The following FOCAD variants were observed in gnomAD, a reference collection of about 807,000 sequenced individuals.
FOCAD encodes KIAA1797.
A neutral mutation model predicts 225.6 loss-of-function variants in FOCAD; 198 were observed. The ratio of observed to expected loss-of-function variants is 0.88; its 90% confidence interval spans 0.78 to 0.99. The LOEUF (loss-of-function observed/expected upper bound fraction) is 0.99. Ranked by LOEUF, FOCAD falls within the 50% of genes least tolerant of loss-of-function variation. FOCAD has a pLI of 0.00. For synonymous variants in FOCAD, 897 were observed against 755.0 expected (o/e 1.19, Z -3.08); for missense variants, 2,713 against 2,123.6 (o/e 1.28, Z -5.46).
intron 2 of FOCAD, among the ~76,000 whole-genome samples, chr9:20,660,635 A>G (rs1563861162): frequency 6.6e-6 from 1 of 152,210 alleles, no homozygotes. Context: ...GAATGATGGA[A>G]GGAAGACCAA....
At position 20,757,079 on chromosome 9, in the gene FOCAD, G is replaced by A. The variant is rs368074123; in HGVS notation, c.393-1011G>A. On this transcript the variant is annotated intron_variant, in intron 5 of 43. Coordinates refer to ENST00000338382, the MANE Select transcript of FOCAD (RefSeq NM_001375567.1). Reference sequence around the variant, plus strand: ...TGAGTAGCTGGGATTACAGGCATGCGCCACCATTCCCGGCTAATTTTGTAT... The same window carrying A: ...TGAGTAGCTGGGATTACAGGCATGCACCACCATTCCCGGCTAATTTTGTAT... 6.6e-5 allele frequency among the ~76,000 whole-genome samples: 10 copies of A among 152,192 alleles called. No homozygotes were observed. In the East Asian group the frequency reaches 1.2e-3, roughly 18 times the overall value.
In FOCAD at chr9:20,882,061, G is replaced by T. The variant is rs1382088642; in HGVS notation, c.2503+5G>T. 1 of 1,608,054 alleles carries T rather than the reference G, an allele frequency of 6.2e-7. No homozygotes were observed. The highest frequency in any genetic ancestry group is 8.5e-7 in the Non-Finnish European group (1 of 1,178,006). On this transcript the variant is annotated splice_donor_5th_base_variant and intron_variant, in intron 20 of 43. Coordinates refer to ENST00000338382, the MANE Select transcript of FOCAD (RefSeq NM_001375567.1). ...GACTGAAACCTGGCCTTGCAGGTAA[G>T]GGTAGTACATAGTATCAAAAATACA... is the stretch of plus-strand genomic sequence containing the variant.
chr9:20,986,283 T>TTTTTTTTTTTTTG lies in FOCAD; in HGVS notation c.4729-5_4729-4insTTTTTTTTTTTTG. 1 of 1,476,884 alleles carries TTTTTTTTTTTTTG rather than the reference T, an allele frequency of 6.8e-7. No homozygotes were observed. Among genetic ancestry groups the TTTTTTTTTTTTTG allele is most frequent in the Non-Finnish European group, 9.0e-7 (1 of 1,113,550 alleles). 91.5% of individuals were successfully genotyped at this position (1,476,884 alleles called of 1,614,324 possible). On this transcript the variant is annotated splice_polypyrimidine_tract_variant and splice_region_variant and intron_variant, in intron 39 of 43. Coordinates refer to ENST00000338382, the MANE Select transcript of FOCAD (RefSeq NM_001375567.1). ...ACTAAACAATTTTTTTTTTTTTTTT[T>TTTTTTTTTTTTTG]GCAGAGCAACATAGAAAAAGCTGCC...
intron 18 of FOCAD, 140 bp downstream of exon 18, chr9:20,867,152 C>G (rs1386300293): frequency 1.9e-6 from 1 of 538,674 alleles, no homozygotes; most frequent in Non-Finnish European, 3.2e-6. Context: ...CAAATTCATA[C>G]CCATTATTTG....
chr9:20,656,758 G>C (rs1285938597), upstream of FOCAD, among the ~76,000 whole-genome samples: 16 of 152,066 alleles, frequency 1.1e-4, no homozygotes, highest in Admixed American at 9.8e-4. Context: ...CTTTTAATTG[G>C]AGCATTTAGT....
At chr9:20,938,546 A>G (rs1487190188) in intron 28 of FOCAD, among the ~76,000 whole-genome samples, 2 of 148,178 alleles carry the variant, frequency 1.3e-5, no homozygotes, top group Non-Finnish European at 3.0e-5. Context: ...ACATGGACAC[A>G]GGAAGCGGAA....
At chr9:20,972,483 GCTC>G (rs61243229) in intron 35 of FOCAD, among the ~76,000 whole-genome samples, 1,694 of 151,696 alleles carry the variant, frequency 0.011, 37 homozygotes, top group African/African-American at 0.038. Context: ...ATTTTTATAT[GCTC>G]TCTTTTTTTC....
intron 4 of FOCAD, among the ~76,000 whole-genome samples, chr9:20,727,639 C>G (rs1218907692): frequency 6.6e-6 from 1 of 152,142 alleles, no homozygotes; most frequent in African/African-American, 2.4e-5. Flanking sequence ...TTATAGTTTT[C>G]TCATATAGTT....
intron 11 of FOCAD, among the ~76,000 whole-genome samples, chr9:20,814,208 G>C (rs2131370253): frequency 6.6e-6 from 1 of 151,980 alleles, no homozygotes; most frequent in East Asian, 1.9e-4. Flanking sequence ...GGTAGGAAAG[G>C]ACTTACTATT....
intron 17 of FOCAD, 141 bp downstream of exon 17, chr9:20,866,117 C>T: frequency 1.4e-6 from 1 of 713,562 alleles, no homozygotes; most frequent in Non-Finnish European, 2.3e-6. Flanking sequence ...TGTGATTATT[C>T]ATAAGTTTTG....
chr9:20,819,946 A>G lies in FOCAD; in HGVS notation c.1560+46A>G, dbSNP rs766427957. ...AGTTGGCGAAAAAAGTGAGTCATGAATAATACTTTGAATTCTTTTTGGTAT... is the reference window on the plus strand; with the variant it reads ...AGTTGGCGAAAAAAGTGAGTCATGAGTAATACTTTGAATTCTTTTTGGTAT... On this transcript the variant is annotated intron_variant, in intron 12 of 43. Transcript: ENST00000338382. 1.4e-5 allele frequency: 16 copies of G among 1,150,764 alleles called. No homozygotes were observed. In the East Asian group the frequency reaches 4.2e-4, roughly 30 times the overall value. 71.3% of individuals were successfully genotyped at this position (1,150,764 alleles called of 1,614,324 possible).
chr9:20,883,867 C>T (rs1830884980), intron 20 of FOCAD, among the ~76,000 whole-genome samples: 1 of 152,098 alleles, frequency 6.6e-6, no homozygotes, highest in Non-Finnish European at 1.5e-5. Context: ...TGGAAAAGAA[C>T]AGCAAATCAA....
chr9:20,788,716 G>T (rs1156249611), intron 10 of FOCAD, among the ~76,000 whole-genome samples: 1 of 152,150 alleles, frequency 6.6e-6, no homozygotes, highest in African/African-American at 2.4e-5. Context: ...GCTACCCTCT[G>T]GCCCCGACTG....
chr9:20,898,042 C>T (rs1464507126), intron 21 of FOCAD, among the ~76,000 whole-genome samples: 1 of 151,772 alleles, frequency 6.6e-6, no homozygotes, highest in African/African-American at 2.4e-5. Flanking sequence ...CCTCTCTCAG[C>T]ACTTTATTTC....
At chr9:20,813,550 T>G (rs1453685610) in intron 11 of FOCAD, among the ~76,000 whole-genome samples, 1 of 152,164 alleles carries the variant, frequency 6.6e-6, no homozygotes, top group African/African-American at 2.4e-5. Flanking sequence ...TCCCACCAGG[T>G]ATGAGGTGAC....
intron 43 of FOCAD, among the ~76,000 whole-genome samples, chr9:20,994,048 C>T (rs1464802000): frequency 6.6e-6 from 1 of 152,132 alleles, no homozygotes; most frequent in African/African-American, 2.4e-5. Context: ...ATTGAAAATA[C>T]ACATAGCTCA....
At chr9:20,981,902 C>T (rs1365926701) in intron 38 of FOCAD, among the ~76,000 whole-genome samples, 1 of 152,138 alleles carries the variant, frequency 6.6e-6, no homozygotes, top group African/African-American at 2.4e-5. Flanking sequence ...AGCAGTTTAA[C>T]CAGTGCTGCA....
intron 1 of FOCAD, among the ~76,000 whole-genome samples, chr9:20,701,524 G>A (rs879660147): frequency 3.3e-5 from 5 of 152,194 alleles, no homozygotes; most frequent in African/African-American, 7.2e-5. Context: ...ATGTAGATGT[G>A]AAAGTGTTGA....
intron 30 of FOCAD, 45 bp downstream of exon 30, chr9:20,946,865 T>C: frequency 6.2e-7 from 1 of 1,605,132 alleles, no homozygotes; most frequent in Non-Finnish European, 8.5e-7. Context: ...GGTCTCATGC[T>C]GCTGCTAAGT....
Sources: gnomAD v4.1 joint callset for allele counts (sites outside exome capture counted in the v4.1 genomes callset) on GRCh38, gnomAD v4.1.1 for gene constraint, MANE v1.5 for transcripts, NCBI Gene and HGNC (gene_info 2026-07-23, HGNC 2026-07-21) for gene names.